The following GNAO1 variants were observed in gnomAD, a reference collection of about 807,000 sequenced individuals.
GNAO1 encodes guanine nucleotide-binding protein G(o) subunit alpha.
For missense variants in GNAO1, 166 were observed against 478.7 expected (o/e 0.35, Z 6.10); for synonymous variants, 164 against 180.7 (o/e 0.91, Z 0.74).
intron 6 of GNAO1, among the ~76,000 whole-genome samples, chr16:56,343,397 T>G (rs1251467616): frequency 6.7e-6 from 1 of 150,104 alleles, no homozygotes; most frequent in Non-Finnish European, 1.5e-5. Flanking sequence ...GAAGAGAGTA[T>G]TAGTCACTTG....
At chr16:56,282,617 A>G (rs1302593898) in intron 3 of GNAO1, among the ~76,000 whole-genome samples, 1 of 152,260 alleles carries the variant, frequency 6.6e-6, no homozygotes, top group Admixed American at 6.5e-5. Context: ...AGGCTGAGCA[A>G]GGAGAGTCAG....
At chr16:56,254,860 T>C (rs1162175886) in intron 2 of GNAO1, among the ~76,000 whole-genome samples, 2 of 152,218 alleles carry the variant, frequency 1.3e-5, no homozygotes, top group African/African-American at 2.4e-5. Context: ...AAAGGTTACA[T>C]TCTTTTTCCC....
intron 2 of GNAO1, among the ~76,000 whole-genome samples, chr16:56,197,891 T>C (rs1282734665): frequency 1.3e-5 from 2 of 152,174 alleles, no homozygotes; most frequent in Admixed American, 6.5e-5. Context: ...ATTTTTCCGA[T>C]ATGTGCTCAG....
At chr16:56,318,417 C>T (rs1004542031) in intron 3 of GNAO1, among the ~76,000 whole-genome samples, 1 of 152,236 alleles carries the variant, frequency 6.6e-6, no homozygotes. Context: ...CCGCCGGGCC[C>T]GGCCCTGCAA....
At chr16:56,345,529 CT>C (rs2037857486) in intron 6 of GNAO1, 1 of 984,542 alleles carries the variant, frequency 1.0e-6, no homozygotes, top group Non-Finnish European at 1.2e-6. Flanking sequence ...ACCCAGGAAC[CT>C]TCCCTAGTGC....
At chr16:56,204,279 G>A (rs1444156690) in intron 2 of GNAO1, among the ~76,000 whole-genome samples, 3 of 152,180 alleles carry the variant, frequency 2.0e-5, no homozygotes, top group Non-Finnish European at 2.9e-5. Context: ...TCCTTACAGG[G>A]TAACAGGAAA....
chr16:56,253,205 G>T (rs2036815809), intron 2 of GNAO1, among the ~76,000 whole-genome samples: 1 of 152,160 alleles, frequency 6.6e-6, no homozygotes, highest in Non-Finnish European at 1.5e-5. Context: ...GCCTGGCTCT[G>T]GTGCCAGGAC....
At chr16:56,334,690 G>T (rs767791130) in intron 4 of GNAO1, 39 bp from the exon 5 acceptor site, 28 of 1,611,192 alleles carry the variant, frequency 1.7e-5, no homozygotes, top group Non-Finnish European at 2.0e-5. Context: ...CAGTGTCCAG[G>T]CATTTGGTCC....
chr16:56,207,886 G>A (rs540286006), intron 2 of GNAO1, among the ~76,000 whole-genome samples: 1 of 152,176 alleles, frequency 6.6e-6, no homozygotes, highest in Non-Finnish European at 1.5e-5. Context: ...TAGAAAGCAA[G>A]CACTCAGGTA....
chr16:56,266,825 G>A (rs897251168), intron 2 of GNAO1, among the ~76,000 whole-genome samples: 71 of 152,108 alleles, frequency 4.7e-4, no homozygotes, highest in African/African-American at 1.6e-3. Context: ...GGAGACTCAG[G>A]GTGTGCCCCA....
In GNAO1 at chr16:56,232,116, T is replaced by TA. The variant is rs530595416; in HGVS notation, c.161+39511dup. On this transcript the variant is annotated intron_variant, in intron 2 of 8. Transcript: ENST00000262493. ...GCAAGGCGTTGACGGATGTCTGCTTTAAAAAAAAAAATGTTTCCTTTACTA... is the reference window on the plus strand; with the variant it reads ...GCAAGGCGTTGACGGATGTCTGCTTTAAAAAAAAAAAATGTTTCCTTTACTA... Among the ~76,000 whole-genome samples the TA allele has an allele frequency of 4.4e-4, 65 of 148,494 alleles. No homozygotes were observed. The South Asian group carries it at 6.6e-3, about 15-fold the overall frequency.
intron 6 of GNAO1, among the ~76,000 whole-genome samples, chr16:56,343,460 C>G (rs2037826165): frequency 6.9e-6 from 1 of 144,696 alleles, no homozygotes; most frequent in South Asian, 2.2e-4. Flanking sequence ...CACACTCCAG[C>G]TTGAGCAACA....
chr16:56,286,050 G>T (rs937231232), intron 3 of GNAO1, among the ~76,000 whole-genome samples: 1 of 152,324 alleles, frequency 6.6e-6, no homozygotes, highest in East Asian at 1.9e-4. Flanking sequence ...GCAGCACCAC[G>T]TGGGGAAGGC....
intron 2 of GNAO1, among the ~76,000 whole-genome samples, chr16:56,216,481 G>A (rs184230724): frequency 6.6e-6 from 1 of 152,284 alleles, no homozygotes; most frequent in East Asian, 1.9e-4. Context: ...ATTTGCACCA[G>A]GGAAGAGATG....
intron 2 of GNAO1, among the ~76,000 whole-genome samples, chr16:56,199,927 C>T (rs771254522): frequency 1.2e-4 from 18 of 152,120 alleles, no homozygotes; most frequent in Non-Finnish European, 1.6e-4. Flanking sequence ...GAATTTGGCC[C>T]CTTACTCTCT....
At chr16:56,332,868 C>T (rs2037702445) in intron 4 of GNAO1, among the ~76,000 whole-genome samples, 1 of 152,252 alleles carries the variant, frequency 6.6e-6, no homozygotes, top group Admixed American at 6.5e-5. Context: ...GTCCTCACAG[C>T]TTGGAAGCAG....
At chr16:56,258,228 T>C (rs2036870806) in intron 2 of GNAO1, among the ~76,000 whole-genome samples, 1 of 152,124 alleles carries the variant, frequency 6.6e-6, no homozygotes, top group South Asian at 2.1e-4. Context: ...AGATTATGAG[T>C]GGGGTTCTGT....
intron 2 of GNAO1, among the ~76,000 whole-genome samples, chr16:56,269,960 A>G (rs2037000136): frequency 6.6e-6 from 1 of 152,138 alleles, no homozygotes; most frequent in Admixed American, 6.5e-5. Flanking sequence ...GGGGAGTCTC[A>G]CTGCAGCTAA....
intron 2 of GNAO1, among the ~76,000 whole-genome samples, chr16:56,212,111 A>G (rs2036394949): frequency 6.6e-6 from 1 of 152,208 alleles, no homozygotes; most frequent in Non-Finnish European, 1.5e-5. Context: ...TGTCGGGACT[A>G]CTTGTGAGAG....
Sources: allele counts gnomAD v4.1 joint callset (sites outside exome capture counted in the v4.1 genomes callset), GRCh38; gene constraint gnomAD v4.1.1; transcripts MANE v1.5; gene names NCBI Gene and HGNC (gene_info 2026-07-23, HGNC 2026-07-21).